Variants in TFDP1 observed in about 807,000 individuals in gnomAD.
TFDP1 encodes transcription factor Dp-1.
In TFDP1, 6 loss-of-function variants were observed where a neutral mutation model predicts 48.0. The ratio of observed to expected loss-of-function variants is 0.13; its 90% CI spans 0.07 to 0.25. The LOEUF is 0.25. TFDP1 is among the 10% of genes least tolerant of loss of function. The pLI is 1.00. For missense variants in TFDP1, 335 were observed against 543.0 expected (o/e 0.62, Z 3.81); for synonymous variants, 201 against 211.6 (o/e 0.95, Z 0.44).
chr13:113,593,029 C>T (rs557652941), intron 2 of TFDP1, among the ~76,000 whole-genome samples: 129 of 108,284 alleles, frequency 1.2e-3, no homozygotes, highest in African/African-American at 4.2e-3. Flanking sequence ...AGGTGTCAGG[C>T]GTGATGCGTG....
intron 2 of TFDP1, among the ~76,000 whole-genome samples, chr13:113,599,108 CTAAA>C (rs770308572): frequency 2.3e-4 from 35 of 151,698 alleles, no homozygotes; most frequent in Non-Finnish European, 3.8e-4. Flanking sequence ...GTACGGAATT[CTAAA>C]TAAATGAACT....
intron 2 of TFDP1, among the ~76,000 whole-genome samples, chr13:113,600,555 A>G (rs199941300): frequency 1.4e-5 from 2 of 144,620 alleles, no homozygotes; most frequent in East Asian, 4.4e-4. Context: ...CAGGACCGCG[A>G]TAGAGAACTC....
chr13:113,619,466 A>T (rs1030105158), intron 3 of TFDP1, among the ~76,000 whole-genome samples: 1 of 145,106 alleles, frequency 6.9e-6, no homozygotes, highest in Non-Finnish European at 1.5e-5. Flanking sequence ...GTGAGACTCC[A>T]TCTCAAAAAA....
chr13:113,613,906 CGT>C (rs563451468), intron 3 of TFDP1, among the ~76,000 whole-genome samples: 79 of 141,336 alleles, frequency 5.6e-4, no homozygotes, highest in African/African-American at 1.9e-3. Flanking sequence ...TGTGAGTTTG[CGT>C]GTGTGTGCAT....
chr13:113,632,916 C>T (rs1180934470), intron 5 of TFDP1, among the ~76,000 whole-genome samples: 7 of 152,234 alleles, frequency 4.6e-5, no homozygotes, highest in Non-Finnish European at 1.0e-4. Flanking sequence ...TGGGGAGACA[C>T]TCGCTTTCTG....
rs535865589 is a variant in TFDP1 at position 113,588,698 on chromosome 13, AGAGT to A, written c.12+2855_12+2858del. Among the ~76,000 whole-genome samples the A allele has an allele frequency of 1.1e-3, 163 of 151,040 alleles. 4 individuals are homozygous for A. The highest frequency in any genetic ancestry group is 7.5e-3 in the Admixed American group (115 of 15,250). ...TGATCAGTGATGGTGTAGTAGTTAGAGAGTGAGTGGTGGTGGACTTGATGGAGAG... is the reference window on the plus strand; with the variant it reads ...TGATCAGTGATGGTGTAGTAGTTAGAGAGTGGTGGTGGACTTGATGGAGAG... On this transcript the variant is annotated intron_variant, in intron 2 of 11. Coordinates refer to ENST00000375370, the MANE Select transcript of TFDP1 (RefSeq NM_007111.5).
At chr13:113,613,031 T>TGTC (rs59064512) in intron 3 of TFDP1, among the ~76,000 whole-genome samples, 5,495 of 151,756 alleles carry the variant, frequency 0.036, 316 homozygotes, top group African/African-American at 0.12. Flanking sequence ...TTGTTGTTGT[T>TGTC]TTGGAGATGG....
chr13:113,606,188 C>T (rs147889471), intron 2 of TFDP1, among the ~76,000 whole-genome samples: 19 of 137,068 alleles, frequency 1.4e-4, no homozygotes, highest in South Asian at 1.3e-3. Flanking sequence ...TGTGGGAAGG[C>T]GGTGCGGTGG....
At chr13:113,608,014 C>T (rs2048611358) in intron 2 of TFDP1, among the ~76,000 whole-genome samples, 1 of 152,302 alleles carries the variant, frequency 6.6e-6, no homozygotes, top group South Asian at 2.1e-4. Context: ...CATTTACAGA[C>T]ACGAGCGTCA....
rs891207282 is a variant in TFDP1 at position 113,607,402 on chromosome 13, C to G, written c.13-3594C>G. Among the ~76,000 whole-genome samples the G allele has an allele frequency of 2.6e-5, 4 of 152,340 alleles. No individual in the cohort carries two copies. The highest frequency in any genetic ancestry group is 9.6e-5 in the African/African-American group (4 of 41,584). On this transcript the variant is annotated intron_variant, in intron 2 of 11. Transcript: ENST00000375370. The surrounding 1 kb of genome is among the most constrained non-coding windows in gnomAD (Gnocchi z 5.2). Reference sequence around the variant, plus strand: ...TGTCTGCCATTTCCACTTTCAGAAGCATGAGTTGCATAAGGAAGGGGAATG... The same window carrying G: ...TGTCTGCCATTTCCACTTTCAGAAGGATGAGTTGCATAAGGAAGGGGAATG...
In TFDP1 at chr13:113,607,296, C is replaced by T. The variant is rs570881828; in HGVS notation, c.13-3700C>T. ...GAGGAAAGGGGCCAGCCGTGAGCTG[C>T]GGGTGCTTGCCAGGGATCTGGTGAC... is the stretch of plus-strand genomic sequence containing the variant. On this transcript the variant is annotated intron_variant, in intron 2 of 11. Coordinates refer to ENST00000375370, the MANE Select transcript of TFDP1 (RefSeq NM_007111.5). The surrounding 1 kb of genome is among the most constrained non-coding windows in gnomAD (Gnocchi z 5.2). Among the ~76,000 whole-genome samples the T allele has an allele frequency of 2.0e-5, 3 of 152,336 alleles. No homozygotes were observed. Among genetic ancestry groups the T allele is most frequent in the Non-Finnish European group, 2.9e-5 (2 of 68,038 alleles).
intron 3 of TFDP1, among the ~76,000 whole-genome samples, chr13:113,614,087 ATGTG>A (rs1314830047): frequency 6.7e-6 from 1 of 149,168 alleles, no homozygotes; most frequent in Non-Finnish European, 1.5e-5. Flanking sequence ...CATGAGATGT[ATGTG>A]AGTTGTGTGC....
chr13:113,606,151 G>A (rs187702066), intron 2 of TFDP1, among the ~76,000 whole-genome samples: 10 of 149,256 alleles, frequency 6.7e-5, no homozygotes, highest in East Asian at 6.1e-4. Flanking sequence ...GGAAGGCGGC[G>A]CGGTGATGAG....
At chr13:113,634,390 G>C (rs1055751667) in intron 7 of TFDP1, 144 bp from the exon 8 acceptor site, 1 of 715,430 alleles carries the variant, frequency 1.4e-6, no homozygotes, top group Non-Finnish European at 2.4e-6. Flanking sequence ...TGTAGCACCT[G>C]CTATGTCTAG....
At chr13:113,617,449 C>CTCACCTGCAGAGCT (rs1566659305) in intron 3 of TFDP1, among the ~76,000 whole-genome samples, 2 of 149,666 alleles carry the variant, frequency 1.3e-5, no homozygotes, top group Admixed American at 6.6e-5. Context: ...CCTGCAGAGC[C>CTCACCTGCAGAGCT]GCTCACCTGC....
At chr13:113,628,082 AAGCCGTGTAAAGACTGTCTGG>A (rs1344210001) in intron 4 of TFDP1, among the ~76,000 whole-genome samples, 6 of 151,760 alleles carry the variant, frequency 4.0e-5, no homozygotes, top group African/African-American at 1.2e-4. Flanking sequence ...ACTGTGTCTG[AAGCCGTGTAAAGACTGTCTGG>A]AGCCGTGTAA....
At chr13:113,626,549 C>G (rs1304685483) in intron 4 of TFDP1, among the ~76,000 whole-genome samples, 1 of 151,782 alleles carries the variant, frequency 6.6e-6, no homozygotes, top group Non-Finnish European at 1.5e-5. Flanking sequence ...CGTGTGTGCT[C>G]CCACACAGCT....
At chr13:113,631,967 G>T (rs935086677) in intron 5 of TFDP1, 6 of 571,358 alleles carry the variant, frequency 1.1e-5, no homozygotes, top group Non-Finnish European at 1.8e-5. Context: ...CGCCCACCCC[G>T]CTTTGTGTCT....
intron 4 of TFDP1, among the ~76,000 whole-genome samples, chr13:113,630,271 T>G (rs2049300790): frequency 6.6e-6 from 1 of 152,290 alleles, no homozygotes; most frequent in African/African-American, 2.4e-5. Context: ...GAAAATTCAC[T>G]TGTTTGATTT....
Sources: allele counts gnomAD v4.1 joint callset (sites outside exome capture counted in the v4.1 genomes callset), GRCh38; gene constraint gnomAD v4.1.1; non-coding constraint Gnocchi (gnomAD v3.1); transcripts MANE v1.5; gene names NCBI Gene and HGNC (gene_info 2026-07-23, HGNC 2026-07-21).